Variants in PTPRC observed in about 807,000 individuals in gnomAD.
PTPRC encodes protein tyrosine phosphatase receptor type C.
In PTPRC, 44 loss-of-function variants were observed where a neutral mutation model predicts 155.9. The observed-to-expected ratio is 0.28, with a 90% CI of 0.22 to 0.36. The LOEUF (loss-of-function observed/expected upper bound fraction) is 0.36. PTPRC is among the 10% of genes least tolerant of loss of function. PTPRC has a pLI of 1.00. For missense variants in PTPRC, 1,401 were observed against 1,564.6 expected, an observed-to-expected ratio of 0.90 and a Z score of 1.76; for synonymous variants, 525 against 533.1, an observed-to-expected ratio of 0.98 and a Z score of 0.21.
intron 3 of PTPRC, 158 bp downstream of exon 3, chr1:198,692,531 G>T (rs924093213): frequency 5.8e-5 from 64 of 1,099,672 alleles, no homozygotes; most frequent in Admixed American, 8.1e-5. Flanking sequence ...TAAACTTTCT[G>T]CTTATACGTT....
chr1:198,652,427 AC>A lies in PTPRC; in HGVS notation c.73+13087del, dbSNP rs578016714. ...TTTGTGAAATCAGAAAGCATAATTT[AC>A]TCCCAATGCTGAATAATCTAGTTGT... On this transcript the variant is annotated intron_variant, in intron 2 of 32. Coordinates refer to ENST00000442510, the MANE Select transcript of PTPRC (RefSeq NM_002838.5). Among the ~76,000 whole-genome samples, 29 of 151,902 alleles carry A rather than the reference AC, an allele frequency of 1.9e-4. 1 individual carries two copies. In the South Asian group the frequency reaches 5.8e-3, roughly 30 times the overall value.
At chr1:198,751,832 T>G (rs1010335964) in intron 29 of PTPRC, among the ~76,000 whole-genome samples, 4 of 152,030 alleles carry the variant, frequency 2.6e-5, no homozygotes, top group Non-Finnish European at 5.9e-5. Context: ...AGATGCAGCC[T>G]CCTTCCTCAA....
chr1:198,732,464 T>C lies in PTPRC; in HGVS notation c.2066-16T>C. 1 of 1,608,612 alleles carries C rather than the reference T, an allele frequency of 6.2e-7. No individual in the cohort carries two copies. Among genetic ancestry groups the C allele is most frequent in the Non-Finnish European group, 8.5e-7 (1 of 1,175,796 alleles). ...ATTCACTATTTCACTTGTTTATTTTTCTTTTCCTTAAACAGATGATTATAA... is the reference window on the plus strand; with the variant it reads ...ATTCACTATTTCACTTGTTTATTTTCCTTTTCCTTAAACAGATGATTATAA... On this transcript the variant is annotated splice_polypyrimidine_tract_variant and intron_variant, in intron 19 of 32. Transcript: ENST00000442510.
At chr1:198,726,411 A>C (rs536298539) in intron 15 of PTPRC, among the ~76,000 whole-genome samples, 1 of 152,266 alleles carries the variant, frequency 6.6e-6, no homozygotes, top group African/African-American at 2.4e-5. Context: ...ATATATTCAC[A>C]TTCATGTATC....
rs146960375 is a variant in PTPRC, at chr1:198,738,498, C to T, written c.2403+3246C>T. Among the ~76,000 whole-genome samples, 31 of 151,902 alleles carry T rather than the reference C, an allele frequency of 2.0e-4. No individual in the cohort carries two copies. The East Asian group carries it at 5.8e-3, about 29-fold the overall frequency. ...CATCCTTGCATCCCTTGGATAAATG[C>T]CACTTGATCAGGATGAATGATCTTT... On this transcript the variant is annotated intron_variant, in intron 23 of 32. Coordinates refer to ENST00000442510, the MANE Select transcript of PTPRC (RefSeq NM_002838.5).
chr1:198,702,668 C>G, intron 6 of PTPRC, 138 bp downstream of exon 6: 1 of 1,131,196 alleles, frequency 8.8e-7, no homozygotes, highest in Non-Finnish European at 1.3e-6. Context: ...GTATCAACAC[C>G]AAATTATGCA....
At chr1:198,661,186 C>A (rs1028486504) in intron 2 of PTPRC, among the ~76,000 whole-genome samples, 1 of 151,938 alleles carries the variant, frequency 6.6e-6, no homozygotes, top group Non-Finnish European at 1.5e-5. Context: ...TCTCTGGACT[C>A]CTTTTTAAAC....
At chr1:198,719,517 A>G (rs1376870688) in intron 14 of PTPRC, among the ~76,000 whole-genome samples, 1 of 152,174 alleles carries the variant, frequency 6.6e-6, no homozygotes, top group African/African-American at 2.4e-5. Context: ...CCTGTTAAAT[A>G]GAAATTTCCA....
At chr1:198,735,323 G>T in intron 23 of PTPRC, 71 bp downstream of exon 23, 1 of 1,297,812 alleles carries the variant, frequency 7.7e-7, no homozygotes, top group Non-Finnish European at 1.1e-6. Context: ...AATATTAAAA[G>T]TGAGAAAATA....
At chr1:198,711,196 C>T (rs75024743) in intron 11 of PTPRC, among the ~76,000 whole-genome samples, 1,929 of 152,276 alleles carry the variant, frequency 0.013, 32 homozygotes, top group Non-Finnish European at 0.019. Context: ...TCTCCTCATA[C>T]TTCTCCAAAA....
At chr1:198,714,328 T>C (rs1485377213) in intron 12 of PTPRC, among the ~76,000 whole-genome samples, 1 of 151,982 alleles carries the variant, frequency 6.6e-6, no homozygotes, top group Non-Finnish European at 1.5e-5. Context: ...GGCTCTTTTA[T>C]ATTTTTACAG....
rs1288451299 is a variant in PTPRC at position 198,756,590 on chromosome 1, G to C, written c.*409G>C. 5.5e-6 allele frequency: 1 copy of C among 182,238 alleles called. No individual in the cohort carries two copies. Among genetic ancestry groups the C allele is most frequent in the Non-Finnish European group, 1.1e-5 (1 of 89,186 alleles). The allele number at this position is 182,238 out of a possible 1,614,324, so 11.3% of individuals were successfully genotyped here. A position where few individuals can be genotyped will look rare whatever the true frequency, so the allele number is the denominator to read the frequency against. ...AGTGTTAACTTAGCTTGAAGGATCT[G>C]TTTTTAAAAATCATAAACTGTGTGC... On this transcript the variant is annotated 3_prime_UTR_variant, in exon 33 of 33. Coordinates refer to ENST00000442510, the MANE Select transcript of PTPRC (RefSeq NM_002838.5).
chr1:198,654,649 G>C (rs1336494912), intron 2 of PTPRC, among the ~76,000 whole-genome samples: 1 of 151,484 alleles, frequency 6.6e-6, no homozygotes, highest in Non-Finnish European at 1.5e-5. Flanking sequence ...AATGCTCCTT[G>C]CTCCATTTTA....
At position 198,716,755 on chromosome 1, in the gene PTPRC, T is replaced by C. The variant is rs769929233; in HGVS notation, c.1365T>C (p.Tyr455=). The C allele has an allele frequency of 4.5e-5, 72 of 1,613,042 alleles. No homozygotes were observed. The East Asian group carries it at 1.0e-3, about 22-fold the overall frequency. ...AAAATTTAAAACCTTATACGAAATA[T>C]GTTTTATCATTACATGCCTACATCA... ...DLQNLKPYTK[Y]VLSLHAYIIA... Residue 455 remains tyrosine (Y), a synonymous_variant, in exon 13 of 33, where the codon TAT becomes TAC. Transcript: ENST00000442510.
At chr1:198,668,608 T>C (rs1442509497) in intron 2 of PTPRC, among the ~76,000 whole-genome samples, 1 of 152,184 alleles carries the variant, frequency 6.6e-6, no homozygotes, top group Non-Finnish European at 1.5e-5. Context: ...TAAACACCCT[T>C]GGTACATGGA....
intron 2 of PTPRC, among the ~76,000 whole-genome samples, chr1:198,646,897 C>T (rs1441152145): frequency 6.6e-6 from 1 of 151,880 alleles, no homozygotes; most frequent in Non-Finnish European, 1.5e-5. Flanking sequence ...GTCAAATCAT[C>T]CTACTTTGGT....
At chr1:198,721,411 G>A (rs1364477000) in intron 14 of PTPRC, among the ~76,000 whole-genome samples, 1 of 151,936 alleles carries the variant, frequency 6.6e-6, no homozygotes, top group Non-Finnish European at 1.5e-5. Flanking sequence ...TTGTACTTTG[G>A]TAAAATTTTG....
At chr1:198,649,740 T>A (rs1557965866) in intron 2 of PTPRC, among the ~76,000 whole-genome samples, 1 of 151,898 alleles carries the variant, frequency 6.6e-6, no homozygotes, top group African/African-American at 2.4e-5. Context: ...ATAGAGCCCC[T>A]GCTAAGCTAA....
Position 198,718,113 on chromosome 1 carries a change from C to T in PTPRC, c.1470C>T (p.Asn490=), listed in dbSNP as rs752230174. Reference sequence around the variant, plus strand: ...TGATAGCTCCAAGCCAGGTCTGGAACATGACTGTCTCCATGACATCAGATA... The same window carrying T: ...TGATAGCTCCAAGCCAGGTCTGGAATATGACTGTCTCCATGACATCAGATA... ...TKSAPPSQVW[N]MTVSMTSDNS... is the part of the protein sequence containing the mutation. The change falls in exon 14 of 33, where the codon AAC becomes AAT. Residue 490 remains asparagine, a synonymous_variant. Coordinates refer to ENST00000442510, the MANE Select transcript of PTPRC (RefSeq NM_002838.5). The T allele has an allele frequency of 3.1e-6, 5 of 1,613,150 alleles. No homozygotes were observed. The highest frequency in any genetic ancestry group is 4.2e-6 in the Non-Finnish European group (5 of 1,179,218).
Sources: gnomAD v4.1 joint callset for allele counts (sites outside exome capture counted in the v4.1 genomes callset) on GRCh38, gnomAD v4.1.1 for gene constraint, MANE v1.5 for transcripts, NCBI Gene and HGNC (gene_info 2026-07-23, HGNC 2026-07-21) for gene names.